RIT2: variants seen among roughly 807,000 people sequenced by gnomAD.
RIT2 encodes the protein GTP-binding protein Rit2.
RIT2 carries 24 observed loss-of-function variants against 23.7 expected under a neutral mutation model. The observed-to-expected ratio is 1.01, with a 90% CI of 0.73 to 1.43. RIT2 has a LOEUF of 1.43. Among genes scored for constraint, RIT2 ranks in the 40% most tolerant of loss-of-function variants. The pLI, the probability that RIT2 is intolerant of heterozygous loss-of-function variation, is 0.00. For synonymous variants in RIT2, 107 were observed against 91.1 expected (o/e 1.17, Z -0.99); for missense variants, 236 against 266.9 (o/e 0.88, Z 0.81).
intron 1 of RIT2, among the ~76,000 whole-genome samples, chr18:43,105,289 G>A (rs936612530): frequency 6.6e-6 from 1 of 152,078 alleles, no homozygotes; most frequent in South Asian, 2.1e-4. Context: ...GATCTAGAGA[G>A]CAAGAACAAG....
chr18:42,905,608 G>C (rs1303481842), intron 4 of RIT2, among the ~76,000 whole-genome samples: 1 of 152,186 alleles, frequency 6.6e-6, no homozygotes, highest in African/African-American at 2.4e-5. Flanking sequence ...AAGTAGCTGG[G>C]ATTACAGTTG....
At chr18:42,815,285 C>T (rs1905963666) in intron 4 of RIT2, among the ~76,000 whole-genome samples, 1 of 152,140 alleles carries the variant, frequency 6.6e-6, no homozygotes, top group Middle Eastern at 3.4e-3. Context: ...CAGTCAAAAC[C>T]TCAGGAAACA....
intron 2 of RIT2, among the ~76,000 whole-genome samples, chr18:43,032,735 G>A (rs1302317205): frequency 6.6e-6 from 1 of 151,936 alleles, no homozygotes; most frequent in Non-Finnish European, 1.5e-5. Context: ...CTGATGAGGT[G>A]GTCTTAATAA....
At chr18:42,976,693 G>T (rs1910485147) in intron 2 of RIT2, among the ~76,000 whole-genome samples, 1 of 151,980 alleles carries the variant, frequency 6.6e-6, no homozygotes, top group African/African-American at 2.4e-5. Context: ...GGATGAATAT[G>T]TTCATTATTA....
chr18:42,755,668 C>T (rs1393429498), intron 4 of RIT2, among the ~76,000 whole-genome samples: 1 of 152,156 alleles, frequency 6.6e-6, no homozygotes, highest in Non-Finnish European at 1.5e-5. Flanking sequence ...ATCTCTCTAC[C>T]TGATCTCCAG....
At chr18:42,878,565 CTGTGTG>C (rs71371607) in intron 4 of RIT2, among the ~76,000 whole-genome samples, 15,168 of 147,454 alleles carry the variant, frequency 0.1, 782 homozygotes, top group Middle Eastern at 0.23. Flanking sequence ...AGATTCAACT[CTGTGTG>C]TGTGTGTGTG....
intron 4 of RIT2, among the ~76,000 whole-genome samples, chr18:42,807,031 T>C (rs1438812647): frequency 6.6e-6 from 1 of 152,232 alleles, no homozygotes; most frequent in East Asian, 1.9e-4. Flanking sequence ...TTAAATTATA[T>C]ATTGTATTAA....
intron 4 of RIT2, among the ~76,000 whole-genome samples, chr18:42,844,565 C>A (rs1483480778): frequency 6.6e-6 from 1 of 152,066 alleles, no homozygotes; most frequent in Non-Finnish European, 1.5e-5. Context: ...TGAAGTCATG[C>A]TGTCTTGCTG....
At chr18:42,875,845 A>G (rs890059595) in intron 4 of RIT2, among the ~76,000 whole-genome samples, 1 of 152,012 alleles carries the variant, frequency 6.6e-6, no homozygotes, top group East Asian at 1.9e-4. Context: ...CTAGGGATAC[A>G]GGACATTGAC....
chr18:42,826,933 C>T (rs1906312075), intron 4 of RIT2, among the ~76,000 whole-genome samples: 1 of 151,906 alleles, frequency 6.6e-6, no homozygotes, highest in African/African-American at 2.4e-5. Flanking sequence ...ATAAAATTAC[C>T]AAATATTATT....
At chr18:42,865,806 A>G (rs1907454270) in intron 4 of RIT2, among the ~76,000 whole-genome samples, 1 of 152,174 alleles carries the variant, frequency 6.6e-6, no homozygotes, top group South Asian at 2.1e-4. Context: ...AAACTACAAT[A>G]TACTCTGCAT....
chr18:42,801,333 C>T (rs192202147), intron 4 of RIT2, among the ~76,000 whole-genome samples: 1 of 152,242 alleles, frequency 6.6e-6, no homozygotes, highest in African/African-American at 2.4e-5. Context: ...TATAAGCTGA[C>T]CACATACATG....
chr18:42,788,076 A>T (rs1488589788), intron 4 of RIT2, among the ~76,000 whole-genome samples: 1 of 152,058 alleles, frequency 6.6e-6, no homozygotes, highest in African/African-American at 2.4e-5. Context: ...TATGCACTTT[A>T]TATGTTAACA....
chr18:43,015,465 A>C (rs1050889448), intron 2 of RIT2, among the ~76,000 whole-genome samples: 1 of 151,746 alleles, frequency 6.6e-6, no homozygotes, highest in African/African-American at 2.4e-5. Context: ...AGGTAATTGG[A>C]TGTTTAGTTT....
intron 2 of RIT2, among the ~76,000 whole-genome samples, chr18:43,033,577 C>A (rs1246690589): frequency 6.6e-6 from 1 of 152,030 alleles, no homozygotes; most frequent in Non-Finnish European, 1.5e-5. Flanking sequence ...TTCCAACCAC[C>A]ATTTACCAGA....
chr18:42,753,177 T>A (rs918332169), intron 4 of RIT2, among the ~76,000 whole-genome samples: 2 of 152,170 alleles, frequency 1.3e-5, no homozygotes, highest in East Asian at 3.9e-4. Flanking sequence ...GCGGCAAGCA[T>A]CCTGGCCAAT....
chr18:42,945,344 CT>C (rs796881294), intron 3 of RIT2, among the ~76,000 whole-genome samples: 276 of 143,734 alleles, frequency 1.9e-3, no homozygotes, highest in South Asian at 2.0e-3. Flanking sequence ...GTGCATCTAG[CT>C]TTTTTTTTTT....
intron 1 of RIT2, among the ~76,000 whole-genome samples, chr18:43,081,199 C>T (rs1913149817): frequency 6.6e-6 from 1 of 152,068 alleles, no homozygotes; most frequent in African/African-American, 2.4e-5. Flanking sequence ...ATATTTTACC[C>T]TTTGGATGTT....
intron 3 of RIT2, among the ~76,000 whole-genome samples, chr18:42,969,543 T>A (rs1156942857): frequency 6.6e-6 from 1 of 151,940 alleles, no homozygotes; most frequent in Non-Finnish European, 1.5e-5. Context: ...GACTGCAGAG[T>A]TGGTTAGGAA....
Sources: gnomAD v4.1 joint callset for allele counts (sites outside exome capture counted in the v4.1 genomes callset) on GRCh38, gnomAD v4.1.1 for gene constraint, MANE v1.5 for transcripts, NCBI Gene and HGNC (gene_info 2026-07-23, HGNC 2026-07-21) for gene names.